The following PTPRD variants were observed in gnomAD, a reference collection of about 807,000 sequenced individuals.
The protein encoded by PTPRD is receptor-type tyrosine-protein phosphatase delta.
In PTPRD, 34 loss-of-function variants were observed where a neutral mutation model predicts 214.5. The observed-to-expected ratio is 0.16, with a 90% CI of 0.12 to 0.21. The LOEUF (loss-of-function observed/expected upper bound fraction) is 0.21, where lower values mean the gene tolerates loss of function less well. PTPRD is among the 10% of genes least tolerant of loss of function. PTPRD has a pLI of 1.00. For synonymous variants in PTPRD, 1,128 were observed against 845.7 expected, an observed-to-expected ratio of 1.33 and a Z score of -5.79; for missense variants, 2,545 against 2,398.7, an observed-to-expected ratio of 1.06 and a Z score of -1.27.
intron 12 of PTPRD, among the ~76,000 whole-genome samples, chr9:8,664,966 C>A (rs563425774): frequency 6.6e-6 from 1 of 152,256 alleles, no homozygotes; most frequent in East Asian, 1.9e-4. Flanking sequence ...CAACTACACA[C>A]AATTGAGTGA....
At chr9:9,601,466 A>G (rs931049107) in intron 7 of PTPRD, among the ~76,000 whole-genome samples, 13 of 152,130 alleles carry the variant, frequency 8.5e-5, no homozygotes, top group Admixed American at 6.6e-4. Flanking sequence ...TAAACAATAC[A>G]TGATTAGAGC....
intron 8 of PTPRD, among the ~76,000 whole-genome samples, chr9:9,490,616 C>T (rs1363087851): frequency 1.3e-5 from 2 of 151,826 alleles, no homozygotes; most frequent in Admixed American, 1.3e-4. Flanking sequence ...TTTAAAGGAG[C>T]AGAACTTTTC....
intron 4 of PTPRD, among the ~76,000 whole-genome samples, chr9:10,020,008 A>G (rs1433071313): frequency 6.6e-6 from 1 of 152,158 alleles, no homozygotes; most frequent in Non-Finnish European, 1.5e-5. Flanking sequence ...GTTTATTACA[A>G]TGTTTGGCAC....
At chr9:9,848,897 A>G (rs1290119423) in intron 5 of PTPRD, among the ~76,000 whole-genome samples, 1 of 152,074 alleles carries the variant, frequency 6.6e-6, no homozygotes, top group African/African-American at 2.4e-5. Context: ...TTCTTTAAAA[A>G]TCAATTAATA....
At chr9:8,441,975 T>A (rs1172416790) in intron 34 of PTPRD, among the ~76,000 whole-genome samples, 1 of 152,106 alleles carries the variant, frequency 6.6e-6, no homozygotes. Context: ...CTGTTTGGGC[T>A]CTCTATGCAG....
intron 5 of PTPRD, among the ~76,000 whole-genome samples, chr9:9,782,336 T>G (rs565704131): frequency 1.3e-5 from 2 of 152,282 alleles, no homozygotes; most frequent in Non-Finnish European, 2.9e-5. Context: ...TAAGATTTTC[T>G]AAGAATTCCT....
intron 5 of PTPRD, among the ~76,000 whole-genome samples, chr9:9,915,671 T>C (rs952860929): frequency 2.0e-5 from 3 of 151,538 alleles, no homozygotes; most frequent in African/African-American, 7.3e-5. Flanking sequence ...AACAGATCTT[T>C]TTAAATGAAC....
chr9:9,932,868 C>A (rs925970969), intron 5 of PTPRD, among the ~76,000 whole-genome samples: 2 of 130,632 alleles, frequency 1.5e-5, no homozygotes, highest in African/African-American at 5.6e-5. Context: ...ATCAGACTAA[C>A]AGCAGATCTC....
chr9:8,631,456 T>C (rs1323221281), intron 14 of PTPRD, among the ~76,000 whole-genome samples: 2 of 151,818 alleles, frequency 1.3e-5, no homozygotes, highest in Non-Finnish European at 2.9e-5. Context: ...TTAGCCCATC[T>C]GGGTATGAAC....
chr9:9,682,999 A>C (rs890208752), intron 7 of PTPRD, among the ~76,000 whole-genome samples: 1 of 151,794 alleles, frequency 6.6e-6, no homozygotes, highest in African/African-American at 2.4e-5. Context: ...CTTTTGTAAT[A>C]TAAGCTAGAT....
chr9:9,197,970 A>C (rs2099939619), intron 9 of PTPRD, among the ~76,000 whole-genome samples: 1 of 152,228 alleles, frequency 6.6e-6, no homozygotes, highest in Non-Finnish European at 1.5e-5. Context: ...AGTCTCTCAA[A>C]ACTTTGGCAG....
At chr9:10,612,208 C>CAAAAAAAAAAAAAAAAAAAAAAAA in intron 2 of PTPRD, among the ~76,000 whole-genome samples, 190 bp downstream of exon 2, 1 of 126,762 alleles carries the variant, frequency 7.9e-6, no homozygotes, top group Non-Finnish European at 1.6e-5. Context: ...AGGGCTCTTC[C>CAAAAAAAAAAAAAAAAAAAAAAAA]AAAAAAAAAA....
Position 8,515,882 on chromosome 9 carries a change from C to T in PTPRD, c.1543+1966G>A, listed in dbSNP as rs181900586. 7.2e-5 allele frequency among the ~76,000 whole-genome samples: 11 copies of T among 152,192 alleles called. No homozygotes were observed. In the East Asian group the frequency reaches 1.2e-3, roughly 16 times the overall value. Reference sequence around the variant, plus strand: ...CAGGAGCACTAGAAAACAAATAGAACCACTACACTCTATAAGGTGGTTATT... The same window carrying T: ...CAGGAGCACTAGAAAACAAATAGAATCACTACACTCTATAAGGTGGTTATT... On this transcript the variant is annotated intron_variant, in intron 21 of 45. Transcript: ENST00000381196.
chr9:10,001,066 C>T (rs35196386), intron 4 of PTPRD, among the ~76,000 whole-genome samples: 7 of 152,082 alleles, frequency 4.6e-5, no homozygotes, highest in South Asian at 4.1e-4. Context: ...ATCTCTGTAG[C>T]GGGGAGCTTT....
intron 10 of PTPRD, among the ~76,000 whole-genome samples, chr9:9,094,439 T>C (rs1252896572): frequency 6.6e-5 from 10 of 152,300 alleles, no homozygotes; most frequent in East Asian, 1.9e-4. Context: ...AAAAATCGTA[T>C]GTTCCCACTT....
intron 10 of PTPRD, among the ~76,000 whole-genome samples, chr9:9,035,641 T>C (rs2099619337): frequency 6.6e-6 from 1 of 150,440 alleles, no homozygotes; most frequent in South Asian, 2.1e-4. Flanking sequence ...AAAGTTAAGA[T>C]AGACTTTATG....
chr9:8,359,184 G>T (rs2077810813), intron 39 of PTPRD, among the ~76,000 whole-genome samples: 1 of 144,532 alleles, frequency 6.9e-6, no homozygotes, highest in African/African-American at 2.6e-5. Flanking sequence ...GGATCTTAGA[G>T]ATCTGGTGGT....
intron 14 of PTPRD, among the ~76,000 whole-genome samples, chr9:8,604,599 C>T (rs1301297990): frequency 6.6e-6 from 1 of 152,100 alleles, no homozygotes. Context: ...GGAACAGATG[C>T]CAAAACCCTT....
chr9:9,507,784 G>T (rs2096604952), intron 8 of PTPRD, among the ~76,000 whole-genome samples: 1 of 151,364 alleles, frequency 6.6e-6, no homozygotes, highest in Admixed American at 6.6e-5. Flanking sequence ...ATAAAAATCT[G>T]TTTATAAAGA....
Sources: allele counts gnomAD v4.1 joint callset (sites outside exome capture counted in the v4.1 genomes callset), GRCh38; gene constraint gnomAD v4.1.1; transcripts MANE v1.5; gene names NCBI Gene and HGNC (gene_info 2026-07-23, HGNC 2026-07-21).